TRPV3: variants seen among roughly 807,000 people sequenced by gnomAD.
TRPV3 encodes transient receptor potential cation channel subfamily V member 3, also known as VRL-3.
In TRPV3, 88 loss-of-function variants were observed where a neutral mutation model predicts 87.1. That is an observed-to-expected ratio of 1.01 (90% CI 0.85 to 1.21). TRPV3 has a LOEUF of 1.21. Among genes scored for constraint, TRPV3 ranks in the 50% most tolerant of loss-of-function variants. The pLI, the probability that TRPV3 is intolerant of heterozygous loss-of-function variation, is 0.00. For missense variants in TRPV3, 1,054 were observed against 1,030.1 expected (o/e 1.02, Z -0.32); for synonymous variants, 438 against 423.3 (o/e 1.03, Z -0.43).
At chr17:3,546,629 A>G (rs1303192643) in intron 2 of TRPV3, 1 of 456,082 alleles carries the variant, frequency 2.2e-6, no homozygotes, top group Admixed American at 2.3e-5. Flanking sequence ...TTCTATCTGT[A>G]GATAAAGCAA....
In TRPV3 at chr17:3,524,236, A is replaced by G; in HGVS notation, c.1705T>C (p.Phe569Leu). ...ACGCTGTACATGCCCATGGACTGGA[A>G]ACCCCGCGTATAGTAGAGCATGTTC... Reference protein sequence around the residue: ...WANMLYYTRGFQSMGMYSVMI... With the variant: ...WANMLYYTRGLQSMGMYSVMI... The change falls in exon 13 of 18, where the codon TTC (phenylalanine) becomes CTC (leucine). Residue 569 changes from phenylalanine (F) to leucine (L), a missense_variant. Transcript: ENST00000576742. 1 of 1,614,240 alleles carries G rather than the reference A, an allele frequency of 6.2e-7. No individual in the cohort carries two copies. Among genetic ancestry groups the G allele is most frequent in the Non-Finnish European group, 8.5e-7 (1 of 1,180,056 alleles).
intron 16 of TRPV3, among the ~76,000 whole-genome samples, 171 bp downstream of exon 16, chr17:3,516,286 G>A (rs971142933): frequency 6.6e-6 from 1 of 152,112 alleles, no homozygotes; most frequent in Non-Finnish European, 1.5e-5. Flanking sequence ...CCATCTCAGG[G>A]CCTGCAACCC....
rs372767436 is a variant in TRPV3 at position 3,528,992 on chromosome 17, G to A, written c.1246C>T (p.Arg416Trp). 20 of 1,614,022 alleles carry A rather than the reference G, an allele frequency of 1.2e-5. No individual in the cohort carries two copies. The highest frequency in any genetic ancestry group is 4.5e-5 in the East Asian group (2 of 44,900). The change falls in exon 10 of 18, where the codon CGG (arginine) becomes TGG (tryptophan). Residue 416 changes from arginine (R) to tryptophan (W), a missense_variant. By Grantham distance (101) the Arg-to-Trp change is moderately radical. Coordinates refer to ENST00000576742, the MANE Select transcript of TRPV3 (RefSeq NM_145068.4). The surrounding 1 kb of genome is among the most constrained non-coding windows in gnomAD (Gnocchi z 4.2). ...GGCTCCAGGGTCAGCATCTCATGCC[G>A]GTTCTAGGGGTAGAATGCCACCAGT... ...ITVYNTNIDNRHEMLTLEPLH... is the reference protein window; with the variant it reads ...ITVYNTNIDNWHEMLTLEPLH...
At position 3,516,237 on chromosome 17, in the gene TRPV3, G is replaced by A. The variant is rs530472888; in HGVS notation, c.2198+220C>T. The stretch of plus-strand genomic sequence containing the variant: ...AATGCAGAGAGGGGAGCCGCTGTTG[G>A]CAGTCTCCTTCTCTTTCTCTTCTGA... On this transcript the variant is annotated intron_variant, in intron 16 of 17. Transcript: ENST00000576742. 4.3e-4 allele frequency among the ~76,000 whole-genome samples: 66 copies of A among 152,156 alleles called. 1 individual carries two copies. Among genetic ancestry groups the A allele is most frequent in the African/African-American group, 1.6e-3 (65 of 41,518 alleles).
chr17:3,528,809 A>G lies in TRPV3; in HGVS notation c.1401+28T>C, dbSNP rs1445332432. ...AAGCCCCTCCAGCTCTGACGGCCCC[A>G]TTTTCCCCCTCCAAGGGGCCCACGT... On this transcript the variant is annotated intron_variant, in intron 10 of 17. Coordinates refer to ENST00000576742, the MANE Select transcript of TRPV3 (RefSeq NM_145068.4). The surrounding 1 kb of genome is among the most constrained non-coding windows in gnomAD (Gnocchi z 4.2). The G allele has an allele frequency of 6.2e-7, 1 of 1,612,976 alleles. No individual in the cohort carries two copies. Among genetic ancestry groups the G allele is most frequent in the Admixed American group, 1.7e-5 (1 of 59,946 alleles).
At chr17:3,548,617 G>A (rs1249345363) in intron 2 of TRPV3, among the ~76,000 whole-genome samples, 1 of 152,212 alleles carries the variant, frequency 6.6e-6, no homozygotes, top group Non-Finnish European at 1.5e-5. Context: ...TCCAGAAATG[G>A]GGATACATGG....
At chr17:3,522,928 T>C (rs980863621) in intron 13 of TRPV3, among the ~76,000 whole-genome samples, 2 of 152,142 alleles carry the variant, frequency 1.3e-5, no homozygotes, top group Non-Finnish European at 2.9e-5. Context: ...TAGATGTATA[T>C]GTATAGGAAA....
In TRPV3 at chr17:3,516,582, G is replaced by C. The variant is rs772707052; in HGVS notation, c.2086-13C>G. On this transcript the variant is annotated splice_polypyrimidine_tract_variant and intron_variant, in intron 15 of 17. Coordinates refer to ENST00000576742, the MANE Select transcript of TRPV3 (RefSeq NM_145068.4). ...TGGTCCTGGCTCTCTGGGGACATAA[G>C]CAAGTCTAAGGAGTAGGCATCCACA... The C allele has an allele frequency of 3.7e-6, 6 of 1,603,910 alleles. No individual in the cohort carries two copies. The highest frequency in any genetic ancestry group is 1.7e-4 in the Middle Eastern group (1 of 6,058).
intron 12 of TRPV3, among the ~76,000 whole-genome samples, chr17:3,525,054 C>CT (rs1247986050): frequency 1.3e-5 from 2 of 152,180 alleles, no homozygotes; most frequent in Non-Finnish European, 2.9e-5. Context: ...GGGTCTTGCT[C>CT]TGTCACCTAG....
chr17:3,542,449 A>G lies in TRPV3; in HGVS notation c.643+73T>C, dbSNP rs1347481936. On this transcript the variant is annotated intron_variant, in intron 6 of 17. Transcript: ENST00000576742. ...AGCAGTGCCTCCACGTGGCCTGGCC[A>G]GCAGTGGCCCTGTGGCCCCATACCC... The G allele has an allele frequency of 2.6e-6, 4 of 1,535,464 alleles. No homozygotes were observed. The East Asian group carries it at 6.9e-5, about 26-fold the overall frequency.
chr17:3,528,096 T>A lies in TRPV3; in HGVS notation c.1432A>T (p.Lys478Ter), dbSNP rs143880869. The change falls in exon 11 of 18, where the codon AAG (lysine) becomes TAG (stop). Residue 478 changes from lysine (K) to a stop codon, truncating the protein, a stop_gained. Coordinates refer to ENST00000576742, the MANE Select transcript of TRPV3 (RefSeq NM_145068.4). LOFTEE classifies it high-confidence loss of function. This position sits in a 1 kb window ranked among gnomAD's most constrained non-coding sequence, Gnocchi z 4.2. ...AIPHPLALTH[K>*]MGWLQLLGRM... Reference sequence around the variant, plus strand: ...CCTAGGAGCTGCAGCCACCCCATCTTGTGCGTCAGGGCCAAGGGGTGCGGG... The same window carrying A: ...CCTAGGAGCTGCAGCCACCCCATCTAGTGCGTCAGGGCCAAGGGGTGCGGG... 6.2e-7 allele frequency: 1 copy of A among 1,613,548 alleles called. No homozygotes were observed. The highest frequency in any genetic ancestry group is 8.5e-7 in the Non-Finnish European group (1 of 1,179,882).
At position 3,528,829 on chromosome 17, in the gene TRPV3, C is replaced by T; in HGVS notation, c.1401+8G>A. 2 of 1,614,090 alleles carry T rather than the reference C, an allele frequency of 1.2e-6. No homozygotes were observed. Among genetic ancestry groups the T allele is most frequent in the South Asian group, 2.2e-5 (2 of 91,066 alleles). ...GCCCCATTTTCCCCCTCCAAGGGGC[C>T]CACGTACCTCCTCCTCCCGGGGGCG... is the stretch of plus-strand genomic sequence containing the variant. On this transcript the variant is annotated splice_region_variant and intron_variant, in intron 10 of 17. Coordinates refer to ENST00000576742, the MANE Select transcript of TRPV3 (RefSeq NM_145068.4). The surrounding 1 kb of genome is among the most constrained non-coding windows in gnomAD (Gnocchi z 4.2).
chr17:3,527,961 G>C, intron 11 of TRPV3, 64 bp downstream of exon 11: 1 of 1,250,370 alleles, frequency 8.0e-7, no homozygotes, highest in South Asian at 1.2e-5. Flanking sequence ...AGAGCAGAGA[G>C]GGATGGAGGC....
chr17:3,532,585 C>A, intron 8 of TRPV3, 72 bp downstream of exon 8: 2 of 1,555,460 alleles, frequency 1.3e-6, no homozygotes, highest in Non-Finnish European at 8.7e-7. Flanking sequence ...GTAAGGCCCC[C>A]GGGGCTGAGA....
rs58274510 is a variant in TRPV3 at position 3,528,718 on chromosome 17, G to C, written c.1401+119C>G. ...CCTGGGAAGCGTGAAGGACAACTGG[G>C]GGACCCCGCCCAATCTCCTGGTCTC... is the stretch of plus-strand genomic sequence containing the variant. On this transcript the variant is annotated intron_variant, in intron 10 of 17. Transcript: ENST00000576742. The surrounding 1 kb of genome is among the most constrained non-coding windows in gnomAD (Gnocchi z 4.2). The C allele has an allele frequency of 4.2e-3, 5,202 of 1,238,186 alleles. 198 individuals are homozygous for C. The African/African-American group carries it at 0.071, about 17-fold the overall frequency. The allele number at this position is 1,238,186 out of a possible 1,614,324, so 76.7% of individuals were successfully genotyped here. A position where few individuals can be genotyped will look rare whatever the true frequency, so the allele number is the denominator to read the frequency against.
chr17:3,533,011 G>T (rs1006763283), intron 7 of TRPV3, 74 bp from the exon 8 acceptor site: 3 of 1,554,508 alleles, frequency 1.9e-6, no homozygotes, highest in African/African-American at 1.4e-5. Context: ...CAGGACTGGG[G>T]CCCATATCCT....
intron 8 of TRPV3, among the ~76,000 whole-genome samples, chr17:3,531,423 C>T (rs562158944): frequency 5.0e-4 from 76 of 151,126 alleles, no homozygotes; most frequent in African/African-American, 1.6e-3. Context: ...CTCTCCGCCC[C>T]GCACCCCAGC....
At chr17:3,533,974 G>C (rs768794151) in intron 7 of TRPV3, among the ~76,000 whole-genome samples, 1 of 152,282 alleles carries the variant, frequency 6.6e-6, no homozygotes, top group Admixed American at 6.5e-5. Flanking sequence ...GATGTAGACA[G>C]TAAGTGCTCA....
At chr17:3,553,441 T>C (rs4790519) in intron 2 of TRPV3, 72,974 of 152,412 alleles carry the variant, frequency 0.48, 17,653 homozygotes, top group East Asian at 0.54. Flanking sequence ...CCCCCAGGAC[T>C]CAGCTCCAGT....
Sources: gnomAD v4.1 joint callset for allele counts (sites outside exome capture counted in the v4.1 genomes callset) on GRCh38, gnomAD v4.1.1 for gene constraint, Gnocchi (gnomAD v3.1) non-coding constraint, MANE v1.5 for transcripts, NCBI Gene and HGNC (gene_info 2026-07-23, HGNC 2026-07-21) for gene names.